EPHA4: variants seen among roughly 807,000 people sequenced by gnomAD.
EPHA4 encodes ephrin type-A receptor 4.
Under a neutral mutation model 108.3 loss-of-function variants are expected in EPHA4, and 19 were observed. That is an observed-to-expected ratio of 0.18 (90% CI 0.12 to 0.26). The LOEUF is 0.26. Ranked by LOEUF, EPHA4 falls within the 10% of genes least tolerant of loss-of-function variation. The pLI is 1.00. For synonymous variants in EPHA4, 449 were observed against 455.5 expected, an observed-to-expected ratio of 0.99 and a Z score of 0.18; for missense variants, 917 against 1,254.0, an observed-to-expected ratio of 0.73 and a Z score of 4.06.
At chr2:221,484,442 C>A (rs1345992125) in intron 4 of EPHA4, among the ~76,000 whole-genome samples, 1 of 152,198 alleles carries the variant, frequency 6.6e-6, no homozygotes, top group East Asian at 1.9e-4. Context: ...ATCAGCTCCC[C>A]ATCCTGTGAA....
chr2:221,435,240 G>A (rs1475733676), intron 13 of EPHA4, among the ~76,000 whole-genome samples: 2 of 152,124 alleles, frequency 1.3e-5, no homozygotes, highest in Admixed American at 1.3e-4. Flanking sequence ...CGCACAGAAG[G>A]ACACTTGTAC....
intron 1 of EPHA4, among the ~76,000 whole-genome samples, chr2:221,569,711 TATTA>T (rs1694771140): frequency 6.6e-6 from 1 of 151,434 alleles, no homozygotes; most frequent in Admixed American, 6.6e-5. Flanking sequence ...ACCACTGGGT[TATTA>T]ATTTGATCAG....
intron 8 of EPHA4, among the ~76,000 whole-genome samples, chr2:221,451,754 G>A (rs1324731803): frequency 2.0e-5 from 3 of 152,140 alleles, no homozygotes; most frequent in Non-Finnish European, 4.4e-5. Flanking sequence ...ATAAATGTGG[G>A]TGGTAAAAAT....
chr2:221,518,917 C>T (rs1383847963), intron 3 of EPHA4, among the ~76,000 whole-genome samples: 4 of 151,622 alleles, frequency 2.6e-5, no homozygotes, highest in African/African-American at 9.7e-5. Flanking sequence ...TTAGATCACT[C>T]AACAAAATAT....
intron 3 of EPHA4, among the ~76,000 whole-genome samples, chr2:221,541,571 G>C (rs929280799): frequency 6.6e-6 from 1 of 152,182 alleles, no homozygotes; most frequent in Non-Finnish European, 1.5e-5. Flanking sequence ...GGCCAATAAA[G>C]TGTGTGGGAA....
intron 3 of EPHA4, among the ~76,000 whole-genome samples, chr2:221,547,807 C>T (rs918662860): frequency 6.6e-6 from 1 of 152,164 alleles, no homozygotes; most frequent in Non-Finnish European, 1.5e-5. Flanking sequence ...CCAAACACAT[C>T]CATCATTTCG....
chr2:221,510,493 A>G (rs1692794983), intron 3 of EPHA4, among the ~76,000 whole-genome samples: 2 of 152,198 alleles, frequency 1.3e-5, no homozygotes, highest in South Asian at 4.1e-4. Flanking sequence ...CCTTGGAGGT[A>G]GTTTTCAGAA....
intron 3 of EPHA4, among the ~76,000 whole-genome samples, chr2:221,512,172 T>C (rs1348283688): frequency 6.6e-6 from 1 of 152,208 alleles, no homozygotes; most frequent in Admixed American, 6.5e-5. Context: ...CAAGTAAACT[T>C]GTTTGCCTAA....
intron 3 of EPHA4, among the ~76,000 whole-genome samples, chr2:221,559,019 G>A (rs1694379038): frequency 6.7e-6 from 1 of 150,334 alleles, no homozygotes; most frequent in African/African-American, 2.5e-5. Context: ...TCCTTCTATA[G>A]TATAGTTGAA....
intron 4 of EPHA4, among the ~76,000 whole-genome samples, chr2:221,494,384 G>A (rs987903804): frequency 8.5e-5 from 13 of 152,124 alleles, no homozygotes; most frequent in African/African-American, 2.7e-4. Flanking sequence ...CGGGCGGATC[G>A]CTTGAGGTCA....
intron 11 of EPHA4, chr2:221,437,355 G>A (rs1351791727): frequency 2.5e-6 from 1 of 404,440 alleles, no homozygotes; most frequent in African/African-American, 2.0e-5. Flanking sequence ...TGTTGACAAG[G>A]TCTTTAACTA....
At chr2:221,437,420 A>G (rs781747946) in intron 11 of EPHA4, 28 of 257,444 alleles carry the variant, frequency 1.1e-4, no homozygotes, top group Non-Finnish European at 1.8e-4. Context: ...CTCTCAAGCA[A>G]AAGGGGAAAA....
chr2:221,522,584 C>T (rs1014686276), intron 3 of EPHA4, among the ~76,000 whole-genome samples: 1 of 152,154 alleles, frequency 6.6e-6, no homozygotes, highest in African/African-American at 2.4e-5. Context: ...AATTCCCACT[C>T]TCACCCCAAA....
intron 5 of EPHA4, among the ~76,000 whole-genome samples, chr2:221,463,962 T>C (rs1324260534): frequency 2.6e-5 from 4 of 152,190 alleles, no homozygotes; most frequent in Non-Finnish European, 4.4e-5. Context: ...ATTTCATTAC[T>C]GGTTCAAATT....
In EPHA4 at chr2:221,482,607, C is replaced by T; in HGVS notation, c.1063G>A (p.Gly355Ser). 2 of 1,613,994 alleles carry T rather than the reference C, an allele frequency of 1.2e-6. No homozygotes were observed. Among genetic ancestry groups the T allele is most frequent in the Non-Finnish European group, 1.7e-6 (2 of 1,179,912 alleles). The change falls in exon 5 of 18, where the codon GGT becomes AGT. Residue 355 changes from glycine (G) to serine (S), a missense_variant. Physicochemically the swap from Gly to Ser is moderately conservative, Grantham distance 56. Coordinates refer to ENST00000281821, the MANE Select transcript of EPHA4 (RefSeq NM_004438.5). ...NLEWSSPQNT[G>S]GRQDISYNVV... ...TTATAGGAAATGTCCTGGCGGCCAC[C>T]TGTATTCTGAGGGCTACTCCATTCC...
intron 2 of EPHA4, among the ~76,000 whole-genome samples, chr2:221,566,931 G>GA (rs1559297268): frequency 1.5e-5 from 1 of 68,710 alleles, no homozygotes; most frequent in African/African-American, 8.2e-5. Context: ...AGAAGGAGAA[G>GA]GAGAAGGAGA....
At position 221,529,561 on chromosome 2, in the gene EPHA4, T is replaced by C. The variant is rs978381506; in HGVS notation, c.824-28389A>G. On this transcript the variant is annotated intron_variant, in intron 3 of 17. Transcript: ENST00000281821. The stretch of plus-strand genomic sequence containing the variant: ...ATTCTACAGACAGAGCTAATTATTT[T>C]GACCTAATGCTTTGAGATCCTCCAG... Among the ~76,000 whole-genome samples the C allele has an allele frequency of 1.4e-4, 21 of 152,258 alleles. No individual in the cohort carries two copies. The East Asian group carries it at 4.0e-3, about 29-fold the overall frequency.
At chr2:221,522,263 G>A (rs1297489812) in intron 3 of EPHA4, among the ~76,000 whole-genome samples, 1 of 152,190 alleles carries the variant, frequency 6.6e-6, no homozygotes, top group African/African-American at 2.4e-5. Flanking sequence ...CCAAGAGAAA[G>A]CAGAATTTCC....
chr2:221,446,014 A>G, intron 9 of EPHA4, 109 bp downstream of exon 9: 1 of 501,912 alleles, frequency 2.0e-6, no homozygotes, highest in Non-Finnish European at 3.2e-6. Flanking sequence ...GAATAAATAT[A>G]TTATATTATA....
Sources: allele counts gnomAD v4.1 joint callset (sites outside exome capture counted in the v4.1 genomes callset), GRCh38; gene constraint gnomAD v4.1.1; transcripts MANE v1.5; gene names NCBI Gene and HGNC (gene_info 2026-07-23, HGNC 2026-07-21).